PPP4R4: variants seen among roughly 807,000 people sequenced by gnomAD.
The protein encoded by PPP4R4 is protein phosphatase 4 regulatory subunit 4, also known as serine/threonine-protein phosphatase 4 regulatory subunit 4.
In PPP4R4, 70 loss-of-function variants were observed where a neutral mutation model predicts 121.8. That is an observed-to-expected ratio of 0.57 (90% CI 0.47 to 0.70). PPP4R4 has a LOEUF of 0.70. Among genes scored for constraint, PPP4R4 ranks in the 30% least tolerant of loss-of-function variants. PPP4R4 has a pLI of 0.00. For missense variants in PPP4R4, 875 were observed against 1,033.6 expected (o/e 0.85, Z 2.10); for synonymous variants, 348 against 355.7 (o/e 0.98, Z 0.24).
intron 23 of PPP4R4, among the ~76,000 whole-genome samples, chr14:94,270,944 C>CA (rs554119175): frequency 1.4e-3 from 216 of 149,554 alleles, no homozygotes; most frequent in Middle Eastern, 7.0e-3. Context: ...ACAACAACAA[C>CA]AAAAAAAGAC....
intron 5 of PPP4R4, among the ~76,000 whole-genome samples, chr14:94,231,677 A>G (rs1423205471): frequency 6.6e-6 from 1 of 152,110 alleles, no homozygotes; most frequent in African/African-American, 2.4e-5. Flanking sequence ...AGAATATTTT[A>G]CTTGTGAAAC....
intron 2 of PPP4R4, among the ~76,000 whole-genome samples, chr14:94,179,548 T>G (rs754684006): frequency 1.3e-5 from 2 of 152,202 alleles, no homozygotes; most frequent in African/African-American, 4.8e-5. Flanking sequence ...TGTTACTCAG[T>G]TTCATTGTGT....
At chr14:94,213,550 G>A (rs1890854200) in intron 3 of PPP4R4, among the ~76,000 whole-genome samples, 1 of 152,194 alleles carries the variant, frequency 6.6e-6, no homozygotes. Context: ...AGGATCTTGA[G>A]ATTGGGAGAT....
chr14:94,252,005 T>A (rs1893209928), intron 16 of PPP4R4, 109 bp downstream of exon 16: 34 of 924,626 alleles, frequency 3.7e-5, no homozygotes, highest in Non-Finnish European at 5.2e-5. Context: ...AGTCAAGAAT[T>A]TACACGTGCT....
intron 5 of PPP4R4, among the ~76,000 whole-genome samples, chr14:94,233,196 A>T (rs1404119501): frequency 6.6e-6 from 1 of 152,236 alleles, no homozygotes; most frequent in African/African-American, 2.4e-5. Context: ...ACATAATGCA[A>T]TATCAGACTT....
intron 2 of PPP4R4, among the ~76,000 whole-genome samples, chr14:94,197,941 C>T (rs1389503945): frequency 6.6e-6 from 1 of 151,972 alleles, no homozygotes; most frequent in Non-Finnish European, 1.5e-5. Context: ...TTTGATTATC[C>T]ACTTGTTAGT....
At position 94,204,799 on chromosome 14, in the gene PPP4R4, T is replaced by C. The variant is rs1287082468; in HGVS notation, c.192-3665T>C. Among the ~76,000 whole-genome samples the C allele has an allele frequency of 5.3e-5, 8 of 152,146 alleles. No individual in the cohort carries two copies. In the East Asian group the frequency reaches 1.5e-3, roughly 29 times the overall value. Reference sequence around the variant, plus strand: ...CTTCTGTACATATTTTGTTAGTTTTTTGGAGTGATTATAAATTATATTGAA... The same window carrying C: ...CTTCTGTACATATTTTGTTAGTTTTCTGGAGTGATTATAAATTATATTGAA... On this transcript the variant is annotated intron_variant, in intron 2 of 24. Transcript: ENST00000304338.
At chr14:94,186,996 A>G (rs1889318467) in intron 2 of PPP4R4, among the ~76,000 whole-genome samples, 1 of 152,176 alleles carries the variant, frequency 6.6e-6, no homozygotes, top group African/African-American at 2.4e-5. Context: ...CCCCTTTATC[A>G]TTATGTAATG....
chr14:94,194,764 G>C (rs999944719), intron 2 of PPP4R4, among the ~76,000 whole-genome samples: 6 of 151,964 alleles, frequency 3.9e-5, no homozygotes, highest in Non-Finnish European at 8.8e-5. Context: ...ACCCCACACC[G>C]GGCAATACTT....
intron 6 of PPP4R4, among the ~76,000 whole-genome samples, chr14:94,234,112 T>C (rs1177332887): frequency 1.3e-5 from 2 of 152,230 alleles, no homozygotes; most frequent in Non-Finnish European, 2.9e-5. Context: ...GTTATGAATT[T>C]GTTATTTTGA....
Position 94,174,336 on chromosome 14 carries a change from C to T in PPP4R4, c.-130C>T, listed in dbSNP as rs1364290285. 55 of 806,470 alleles carry T rather than the reference C, an allele frequency of 6.8e-5. No homozygotes were observed. In the Middle Eastern group the frequency reaches 1.3e-3, roughly 19 times the overall value. The allele number at this position is 806,470 out of a possible 1,614,324, so 50.0% of individuals were successfully genotyped here. A position where few individuals can be genotyped will look rare whatever the true frequency, so the allele number is the denominator to read the frequency against. On this transcript the variant is annotated 5_prime_UTR_variant, in exon 1 of 25. Coordinates refer to ENST00000304338, the MANE Select transcript of PPP4R4 (RefSeq NM_058237.2). Reference sequence around the variant, plus strand: ...CGGGCCGTGCTCTTGCTCCCGCCGCCTGGCAGCCTCACGCTCGGCTCCAGC... The same window carrying T: ...CGGGCCGTGCTCTTGCTCCCGCCGCTTGGCAGCCTCACGCTCGGCTCCAGC...
At chr14:94,260,856 T>C (rs1893748611) in intron 19 of PPP4R4, among the ~76,000 whole-genome samples, 1 of 152,140 alleles carries the variant, frequency 6.6e-6, no homozygotes, top group Non-Finnish European at 1.5e-5. Flanking sequence ...CTTTGATAAT[T>C]CTTTTTTGTT....
intron 9 of PPP4R4, 119 bp downstream of exon 9, chr14:94,240,914 A>G: frequency 1.7e-6 from 2 of 1,204,392 alleles, no homozygotes; most frequent in Non-Finnish European, 1.1e-6. Context: ...GTATATAAAA[A>G]TCTTATGAGA....
At chr14:94,258,137 A>G (rs986932850) in intron 17 of PPP4R4, among the ~76,000 whole-genome samples, 4 of 152,164 alleles carry the variant, frequency 2.6e-5, no homozygotes, top group African/African-American at 9.6e-5. Flanking sequence ...ACTAAATTTT[A>G]TGTTTGTCAT....
chr14:94,257,971 T>G (rs958898516), intron 17 of PPP4R4, among the ~76,000 whole-genome samples: 3 of 152,128 alleles, frequency 2.0e-5, no homozygotes, highest in Admixed American at 1.3e-4. Context: ...AATGAGACAT[T>G]AGTATGGAAA....
intron 23 of PPP4R4, among the ~76,000 whole-genome samples, chr14:94,267,927 G>T (rs1345449756): frequency 6.6e-6 from 1 of 152,058 alleles, no homozygotes. Context: ...TGGTTCATTT[G>T]CTGGAAGAGA....
chr14:94,200,589 C>A (rs1344440861), intron 2 of PPP4R4, among the ~76,000 whole-genome samples: 2 of 152,162 alleles, frequency 1.3e-5, no homozygotes, highest in Admixed American at 6.5e-5. Flanking sequence ...AAGAATGTAT[C>A]CATCTTCTCT....
chr14:94,259,027 T>A (rs1363438551), intron 18 of PPP4R4, among the ~76,000 whole-genome samples: 1 of 152,090 alleles, frequency 6.6e-6, no homozygotes, highest in Non-Finnish European at 1.5e-5. Flanking sequence ...AAGAGAGAGC[T>A]TGTGCAGGGA....
At chr14:94,254,450 A>G (rs1893357487) in intron 16 of PPP4R4, among the ~76,000 whole-genome samples, 1 of 152,208 alleles carries the variant, frequency 6.6e-6, no homozygotes, top group Admixed American at 6.5e-5. Context: ...TACTAGGTTT[A>G]GCTGTATCCG....
Sources: gnomAD v4.1 joint callset for allele counts (sites outside exome capture counted in the v4.1 genomes callset) on GRCh38, gnomAD v4.1.1 for gene constraint, MANE v1.5 for transcripts, NCBI Gene and HGNC (gene_info 2026-07-23, HGNC 2026-07-21) for gene names.